ADK: variants seen among roughly 807,000 people sequenced by gnomAD.
The protein encoded by ADK is N6,N6-dimethyladenosine kinase.
In ADK, 24 loss-of-function variants were observed where a neutral mutation model predicts 44.7. The ratio of observed to expected loss-of-function variants is 0.54; its 90% CI spans 0.39 to 0.76. ADK has a LOEUF of 0.76. Ranked by LOEUF, ADK falls within the 30% of genes least tolerant of loss-of-function variation. The pLI, the probability that ADK is intolerant of heterozygous loss-of-function variation, is 0.00. For missense variants in ADK, 321 were observed against 425.1 expected (o/e 0.76, Z 2.15); for synonymous variants, 128 against 142.6 (o/e 0.90, Z 0.73).
chr10:74,667,944 G>T (rs1366367038), intron 9 of ADK, among the ~76,000 whole-genome samples: 1 of 152,082 alleles, frequency 6.6e-6, no homozygotes, highest in Non-Finnish European at 1.5e-5. Context: ...GTTTTCAAAC[G>T]AGGAGCTCAA....
At chr10:74,625,147 T>C (rs1853141467) in intron 9 of ADK, among the ~76,000 whole-genome samples, 1 of 152,100 alleles carries the variant, frequency 6.6e-6, no homozygotes, top group Non-Finnish European at 1.5e-5. Flanking sequence ...TTAAATAATA[T>C]GATGTGAAAA....
chr10:74,469,989 A>T lies in ADK; in HGVS notation c.556-55267A>T, dbSNP rs190607726. Among the ~76,000 whole-genome samples, 733 of 144,728 alleles carry T rather than the reference A, an allele frequency of 5.1e-3. 4 individuals carry two copies. Among genetic ancestry groups the T allele is most frequent in the African/African-American group, 0.018 (688 of 39,190 alleles). The allele number at this position is 144,728 out of a possible 152,430, so 94.9% of individuals were successfully genotyped here. Reference sequence around the variant, plus strand: ...CAGGATTTCCTTCTCTCTTTTTTTTAGGCCAAGTAATATTCCATTTTGTAT... The same window carrying T: ...CAGGATTTCCTTCTCTCTTTTTTTTTGGCCAAGTAATATTCCATTTTGTAT... On this transcript the variant is annotated intron_variant, in intron 6 of 10. Coordinates refer to ENST00000539909, the MANE Select transcript of ADK (RefSeq NM_006721.4).
At chr10:74,249,225 T>C (rs1229970449) in intron 3 of ADK, among the ~76,000 whole-genome samples, 2 of 152,106 alleles carry the variant, frequency 1.3e-5, no homozygotes, top group African/African-American at 2.4e-5. Flanking sequence ...GCTTTTCTTA[T>C]TTTCTTTAAT....
chr10:74,476,699 T>A (rs1246150554), intron 6 of ADK, among the ~76,000 whole-genome samples: 1 of 152,208 alleles, frequency 6.6e-6, no homozygotes, highest in East Asian at 1.9e-4. Context: ...TTTATCACAG[T>A]TTGCATTCCA....
rs67914966 is a variant in ADK at position 74,172,689 on chromosome 10, C to CA, written c.65+21367dup. ...GGGCAACAAGAGTGAAACTCCATCT[C>CA]AAAAAAAAAAAAAAAAAAAAAGCGG... On this transcript the variant is annotated intron_variant, in intron 1 of 10. Coordinates refer to ENST00000539909, the MANE Select transcript of ADK (RefSeq NM_006721.4). 6.3e-3 allele frequency among the ~76,000 whole-genome samples: 419 copies of CA among 66,134 alleles called. 5 individuals carry two copies. The highest frequency in any genetic ancestry group is 8.3e-3 in the Middle Eastern group (1 of 120). The allele number at this position is 66,134 out of a possible 152,430, so 43.4% of individuals were successfully genotyped here.
intron 10 of ADK, among the ~76,000 whole-genome samples, chr10:74,679,465 G>A (rs530465601): frequency 6.6e-6 from 1 of 152,180 alleles, no homozygotes; most frequent in East Asian, 1.9e-4. Flanking sequence ...TGCCAGCTCT[G>A]TGTTTATCCC....
intron 4 of ADK, among the ~76,000 whole-genome samples, chr10:74,364,405 G>A (rs755429195): frequency 1.2e-4 from 18 of 152,106 alleles, no homozygotes; most frequent in African/African-American, 3.9e-4. Flanking sequence ...CTCTCACCAC[G>A]TTTTTAAAAT....
At chr10:74,287,457 C>T (rs1220837641) in intron 3 of ADK, among the ~76,000 whole-genome samples, 1 of 149,558 alleles carries the variant, frequency 6.7e-6, no homozygotes, top group African/African-American at 2.5e-5. Flanking sequence ...GAGTGAGACT[C>T]CGTCTCAAAA....
chr10:74,428,170 G>A (rs1844866386), intron 6 of ADK, among the ~76,000 whole-genome samples: 1 of 152,100 alleles, frequency 6.6e-6, no homozygotes, highest in Admixed American at 6.5e-5. Flanking sequence ...AATTCACTGT[G>A]ACTTTATCTT....
chr10:74,555,633 G>A (rs111587400), intron 7 of ADK, among the ~76,000 whole-genome samples: 4,636 of 151,302 alleles, frequency 0.031, 203 homozygotes, highest in African/African-American at 0.095. Flanking sequence ...AAAAATCTAA[G>A]TGGCTTCATA....
intron 9 of ADK, among the ~76,000 whole-genome samples, chr10:74,604,558 C>T (rs543739457): frequency 2.0e-5 from 3 of 152,074 alleles, no homozygotes; most frequent in South Asian, 2.1e-4. Context: ...AAGATCAGAT[C>T]GTTGTAGATG....
chr10:74,353,683 A>G (rs1016275717), intron 4 of ADK, among the ~76,000 whole-genome samples: 46 of 152,066 alleles, frequency 3.0e-4, no homozygotes, highest in African/African-American at 1.1e-3. Context: ...CCTGGCTAAA[A>G]TGGTGAAACC....
At chr10:74,297,299 C>T (rs966552932) in intron 3 of ADK, among the ~76,000 whole-genome samples, 3 of 152,042 alleles carry the variant, frequency 2.0e-5, no homozygotes, top group Non-Finnish European at 2.9e-5. Context: ...GGTTATGTTT[C>T]GTTTTCTCAC....
chr10:74,410,491 T>C (rs1000395141), intron 6 of ADK, among the ~76,000 whole-genome samples: 11 of 152,078 alleles, frequency 7.2e-5, no homozygotes, highest in African/African-American at 2.7e-4. Flanking sequence ...CTGGCCAAAA[T>C]TTTTGGTAGA....
chr10:74,203,683 A>G (rs184195141), intron 2 of ADK, among the ~76,000 whole-genome samples: 8 of 151,778 alleles, frequency 5.3e-5, no homozygotes, highest in Non-Finnish European at 1.0e-4. Context: ...CCTGTACGAC[A>G]CTGTTTTGAT....
chr10:74,326,336 C>G (rs181315884), intron 4 of ADK, among the ~76,000 whole-genome samples: 1 of 151,630 alleles, frequency 6.6e-6, no homozygotes, highest in African/African-American at 2.4e-5. Flanking sequence ...TGTTGGCTTA[C>G]GCCAGTACCC....
chr10:74,463,601 C>T (rs1019853794), intron 6 of ADK, among the ~76,000 whole-genome samples: 20 of 152,300 alleles, frequency 1.3e-4, no homozygotes, highest in African/African-American at 4.1e-4. Flanking sequence ...CACTCACCTC[C>T]TGCTGTGTGG....
intron 4 of ADK, among the ~76,000 whole-genome samples, chr10:74,347,554 C>T (rs1841819946): frequency 6.6e-6 from 1 of 152,024 alleles, no homozygotes; most frequent in Non-Finnish European, 1.5e-5. Context: ...GCACCCGGAA[C>T]CCCAGCGAGA....
chr10:74,605,838 T>C (rs1428735716), intron 9 of ADK, among the ~76,000 whole-genome samples: 1 of 152,224 alleles, frequency 6.6e-6, no homozygotes, highest in Admixed American at 6.5e-5. Flanking sequence ...TCTTTGTACC[T>C]CTGATAGAAT....
Sources: gnomAD v4.1 joint callset for allele counts (sites outside exome capture counted in the v4.1 genomes callset) on GRCh38, gnomAD v4.1.1 for gene constraint, MANE v1.5 for transcripts, NCBI Gene and HGNC (gene_info 2026-07-23, HGNC 2026-07-21) for gene names.